TMCO6: variants seen among roughly 807,000 people sequenced by gnomAD.
TMCO6 encodes transmembrane and coiled-coil domain-containing protein 6.
TMCO6 carries 47 observed loss-of-function variants against 61.8 expected under a neutral mutation model. That is an observed-to-expected ratio of 0.76 (90% CI 0.60 to 0.97). TMCO6 has a LOEUF of 0.97. Ranked by LOEUF, TMCO6 falls within the 50% of genes least tolerant of loss-of-function variation. The probability of loss-of-function intolerance (pLI) is 0.00; values close to 1 mark genes in which losing one functional copy is unlikely to be tolerated. For synonymous variants in TMCO6, 261 were observed against 254.2 expected, an observed-to-expected ratio of 1.03 and a Z score of -0.25; for missense variants, 557 against 601.6, an observed-to-expected ratio of 0.93 and a Z score of 0.78.
At chr5:140,613,897 G>T in the TMCO6 span, among the ~76,000 whole-genome samples, 7,127 of 146,390 alleles carry the variant, frequency 0.049, 369 homozygotes, top group African/African-American at 0.13. Context: ...TTTTTTTGTT[G>T]TTGTTGTTGT....
chr5:140,639,922 C>A (rs1039576939), intron 2 of TMCO6, 71 bp downstream of exon 2: 2 of 1,349,922 alleles, frequency 1.5e-6, no homozygotes, highest in Non-Finnish European at 1.0e-6. Flanking sequence ...TACTCGAGGT[C>A]TGCCCCAAAC....
chr5:140,602,250 A>G, the TMCO6 span, among the ~76,000 whole-genome samples: 5 of 152,100 alleles, frequency 3.3e-5, no homozygotes, highest in Non-Finnish European at 7.4e-5. Context: ...CTACACTTGC[A>G]ATCTCCCGAA....
chr5:140,632,333 A>G, the TMCO6 span: 17 of 1,613,946 alleles, frequency 1.1e-5, no homozygotes, highest in Middle Eastern at 6.6e-4. This position sits in a 1 kb window ranked among gnomAD's most constrained non-coding sequence, Gnocchi z 6.2. Context: ...ACTTGTGGGG[A>G]CAGAGAGCCG....
chr5:140,639,411 C>T, upstream of TMCO6: 1 of 1,079,938 alleles, frequency 9.3e-7, no homozygotes, highest in Admixed American at 2.3e-5. Flanking sequence ...CCCCGCTCCT[C>T]GCGCCCTCCC....
At chr5:140,618,841 C>G in the TMCO6 span, among the ~76,000 whole-genome samples, 1 of 151,958 alleles carries the variant, frequency 6.6e-6, no homozygotes, top group East Asian at 1.9e-4. Context: ...GATAAGAGAC[C>G]TAAAGGTAAA....
rs1261455619 is a variant in TMCO6, at chr5:140,644,205, G to A, written c.1200+11G>A. The A allele has an allele frequency of 1.9e-6, 3 of 1,613,056 alleles. No individual in the cohort carries two copies. Among genetic ancestry groups the A allele is most frequent in the Non-Finnish European group, 2.5e-6 (3 of 1,179,018 alleles). ...GTGGTGAGCGTAATGGTATGTATTG[G>A]GGTTACTTGAATCCAAGATCTGGTA... On this transcript the variant is annotated intron_variant, in intron 10 of 11. Coordinates refer to ENST00000394671, the MANE Select transcript of TMCO6 (RefSeq NM_018502.5).
upstream of TMCO6, chr5:140,638,623 C>G (rs1756841939): frequency 6.7e-6 from 1 of 149,038 alleles, no homozygotes; most frequent in Non-Finnish European, 1.5e-5. Flanking sequence ...GGGGCGCGAT[C>G]TCGGCCCACT....
chr5:140,643,174 C>G (rs1376771075), intron 7 of TMCO6, 133 bp downstream of exon 7: 1 of 1,301,602 alleles, frequency 7.7e-7, no homozygotes, highest in Non-Finnish European at 1.1e-6. Context: ...TTTTGGAGCC[C>G]AGGAGACCCA....
the TMCO6 span, chr5:140,631,943 G>C: frequency 6.2e-7 from 1 of 1,612,954 alleles, no homozygotes; most frequent in Non-Finnish European, 8.5e-7. Context: ...CTGGGACCAC[G>C]CCGGAGTTCA....
chr5:140,643,841 T>C lies in TMCO6; in HGVS notation c.980T>C (p.Val327Ala). The change falls in exon 9 of 12, where the codon GTG becomes GCG. Residue 327 changes from valine to alanine, a missense_variant. Val to Ala is a moderately conservative substitution (Grantham distance 64). Transcript: ENST00000394671. ...CTAACTGAGGCAGCAGTGGAGACTG[T>C]GGGAGGGCAAATGCAGCTCAGAGAT... is the stretch of plus-strand genomic sequence containing the variant. ...NLLTEAAVETVGGQMQLRDER... is the reference protein window; with the variant it reads ...NLLTEAAVETAGGQMQLRDER... 1 of 1,614,224 alleles carries C rather than the reference T, an allele frequency of 6.2e-7. No homozygotes were observed.
upstream of TMCO6, among the ~76,000 whole-genome samples, chr5:140,635,173 C>A (rs926838153): frequency 6.6e-6 from 1 of 152,238 alleles, no homozygotes; most frequent in Admixed American, 6.5e-5. Flanking sequence ...CTCATCACTG[C>A]CCCCTGCGGG....
the TMCO6 span, among the ~76,000 whole-genome samples, chr5:140,618,220 A>C: frequency 6.6e-6 from 1 of 152,274 alleles, no homozygotes; most frequent in Non-Finnish European, 1.5e-5. Context: ...ACTTGAGGTC[A>C]GGAGTTCGAA....
chr5:140,628,820 G>A, the TMCO6 span, among the ~76,000 whole-genome samples: 2 of 152,100 alleles, frequency 1.3e-5, no homozygotes, highest in African/African-American at 4.8e-5. Flanking sequence ...GTAAAATAAG[G>A]GTTACTGAAC....
chr5:140,647,646 C>G (rs748460855), downstream of TMCO6: 5 of 1,572,752 alleles, frequency 3.2e-6, no homozygotes, highest in Non-Finnish European at 4.3e-6. Context: ...TCTGACCAAC[C>G]GCGGACCCTA....
chr5:140,646,996 A>C (rs1757440662), downstream of TMCO6: 1 of 430,408 alleles, frequency 2.3e-6, no homozygotes, highest in Admixed American at 4.1e-5. Context: ...TCCTGTCTGA[A>C]GCCCATTCTT....
At chr5:140,614,629 T>C in the TMCO6 span, among the ~76,000 whole-genome samples, 3 of 152,088 alleles carry the variant, frequency 2.0e-5, no homozygotes, top group East Asian at 1.9e-4. Context: ...TTTTTTTTTT[T>C]CGAGACAGAG....
At chr5:140,643,433 G>T in intron 7 of TMCO6, 131 bp from the exon 8 acceptor site, 1 of 846,078 alleles carries the variant, frequency 1.2e-6, no homozygotes, top group South Asian at 1.5e-5. Flanking sequence ...CTGACCTCAG[G>T]TGATCCACCC....
chr5:140,647,574 C>T (rs370015250), downstream of TMCO6: 1 of 1,610,316 alleles, frequency 6.2e-7, no homozygotes, highest in Non-Finnish European at 8.5e-7. Context: ...CTTGCTGCGG[C>T]CGCCGCCATC....
chr5:140,631,779 G>T, the TMCO6 span: 1 of 1,385,136 alleles, frequency 7.2e-7, no homozygotes, highest in Non-Finnish European at 9.9e-7. Context: ...TGAATTGGTC[G>T]AAAAGTCCTC....
Sources: allele counts gnomAD v4.1 joint callset (sites outside exome capture counted in the v4.1 genomes callset), GRCh38; gene constraint gnomAD v4.1.1; non-coding constraint Gnocchi (gnomAD v3.1); transcripts MANE v1.5; gene names NCBI Gene and HGNC (gene_info 2026-07-23, HGNC 2026-07-21).